Variants in MYO16 observed in about 807,000 individuals in gnomAD.
The protein encoded by MYO16 is myosin XVI.
A neutral mutation model predicts 205.3 loss-of-function variants in MYO16; 94 were observed. That is an observed-to-expected ratio of 0.46 (90% CI 0.39 to 0.54). The LOEUF (loss-of-function observed/expected upper bound fraction) is 0.54, where lower values mean the gene tolerates loss of function less well. MYO16 is among the 20% of genes least tolerant of loss of function. The probability of loss-of-function intolerance (pLI) is 0.00; values close to 1 mark genes in which losing one functional copy is unlikely to be tolerated. For synonymous variants in MYO16, 988 were observed against 954.0 expected (o/e 1.04, Z -0.66); for missense variants, 2,315 against 2,387.5 (o/e 0.97, Z 0.63).
intron 22 of MYO16, among the ~76,000 whole-genome samples, chr13:109,012,784 T>TAC (rs1359586811): frequency 1.4e-5 from 2 of 145,546 alleles, no homozygotes; most frequent in Non-Finnish European, 3.0e-5. Context: ...TGTGTGTATA[T>TAC]ATATATATAT....
At chr13:109,097,200 G>A (rs185340560) in intron 27 of MYO16, among the ~76,000 whole-genome samples, 1 of 152,162 alleles carries the variant, frequency 6.6e-6, no homozygotes, top group African/African-American at 2.4e-5. Flanking sequence ...GTGGTGGCGG[G>A]CACCATTAAT....
chr13:109,040,499 T>C (rs1187205150), intron 23 of MYO16, among the ~76,000 whole-genome samples: 1 of 151,998 alleles, frequency 6.6e-6, no homozygotes, highest in Non-Finnish European at 1.5e-5. Context: ...TAGCAATATA[T>C]AAAAAGAACG....
At chr13:109,040,385 C>CAGAGAGAGAGAGAG (rs146955371) in intron 23 of MYO16, among the ~76,000 whole-genome samples, 1,284 of 113,182 alleles carry the variant, frequency 0.011, 31 homozygotes, top group African/African-American at 0.037. Context: ...CACACACACA[C>CAGAGAGAGAGAGAG]AGAGAGAGAG....
chr13:109,046,830 C>T (rs1594499425), intron 23 of MYO16, 86 bp from the exon 24 acceptor site: 20 of 1,129,588 alleles, frequency 1.8e-5, no homozygotes, highest in African/African-American at 7.8e-5. Context: ...TTGAAAACTT[C>T]AGCTGGGTCA....
chr13:108,744,536 T>C (rs1274824028), intron 4 of MYO16, among the ~76,000 whole-genome samples: 1 of 152,270 alleles, frequency 6.6e-6, no homozygotes. Context: ...ATGATTCTGC[T>C]GACCCAGGTT....
At chr13:109,136,938 A>G (rs1876803475) in intron 31 of MYO16, among the ~76,000 whole-genome samples, 1 of 152,214 alleles carries the variant, frequency 6.6e-6, no homozygotes, top group African/African-American at 2.4e-5. Context: ...TAAGACACCA[A>G]AGAAAAGGTT....
chr13:108,755,964 G>A (rs1885410420), intron 4 of MYO16, among the ~76,000 whole-genome samples: 1 of 152,116 alleles, frequency 6.6e-6, no homozygotes, highest in Admixed American at 6.5e-5. Flanking sequence ...TTACTTCTGT[G>A]TTATATTGTG....
At chr13:108,957,943 A>G in intron 17 of MYO16, 144 bp downstream of exon 17, 1 of 636,870 alleles carries the variant, frequency 1.6e-6, no homozygotes. Context: ...AACAAGCCCC[A>G]ATCCCTGCCT....
At chr13:108,681,354 T>A (rs1384996634) in intron 2 of MYO16, among the ~76,000 whole-genome samples, 1 of 152,252 alleles carries the variant, frequency 6.6e-6, no homozygotes, top group African/African-American at 2.4e-5. Context: ...ACTCGGTGCC[T>A]AAAGTGATGC....
At chr13:108,841,034 CACAA>C (rs1417445501) in intron 9 of MYO16, among the ~76,000 whole-genome samples, 1 of 152,104 alleles carries the variant, frequency 6.6e-6, no homozygotes, top group Non-Finnish European at 1.5e-5. Context: ...TGTAAAAATT[CACAA>C]ACAAATTCAA....
intron 23 of MYO16, chr13:109,028,412 A>G (rs764332957): frequency 3.1e-6 from 1 of 325,672 alleles, no homozygotes; most frequent in South Asian, 2.7e-5. Context: ...TTCACAGAAT[A>G]TTTGGGATGC....
At chr13:108,933,020 G>A (rs1356642957) in intron 16 of MYO16, among the ~76,000 whole-genome samples, 1 of 152,068 alleles carries the variant, frequency 6.6e-6, no homozygotes, top group African/African-American at 2.4e-5. Context: ...GCCTGCGAAC[G>A]ACAGAGAAAG....
At chr13:108,853,960 GTGTGTGT>G (rs1878033671) in intron 10 of MYO16, among the ~76,000 whole-genome samples, 1 of 110,304 alleles carries the variant, frequency 9.1e-6, no homozygotes, top group African/African-American at 4.2e-5. Flanking sequence ...ATTATTGTGT[GTGTGTGT>G]GTGTGTGTGT....
intron 34 of MYO16, among the ~76,000 whole-genome samples, chr13:109,199,214 A>G (rs919772433): frequency 1.0e-5 from 1 of 95,750 alleles, no homozygotes; most frequent in African/African-American, 3.5e-5. Flanking sequence ...ATATATATAT[A>G]TATATATATA....
chr13:108,702,561 C>T (rs996589842), intron 2 of MYO16, among the ~76,000 whole-genome samples: 16 of 152,128 alleles, frequency 1.1e-4, no homozygotes, highest in African/African-American at 3.4e-4. Context: ...AACTTTCAGG[C>T]TGAAATGAAA....
intron 34 of MYO16, among the ~76,000 whole-genome samples, chr13:109,194,226 G>T (rs1379134957): frequency 1.3e-5 from 2 of 152,124 alleles, no homozygotes; most frequent in Non-Finnish European, 2.9e-5. Context: ...ACCCACCACA[G>T]TTCCTTGCAT....
chr13:109,138,943 C>T (rs767416863), intron 31 of MYO16, among the ~76,000 whole-genome samples: 2 of 152,086 alleles, frequency 1.3e-5, no homozygotes, highest in South Asian at 2.1e-4. Flanking sequence ...CTCAGCCTCC[C>T]GAGTAGCTGG....
At chr13:108,757,333 T>C (rs1885452362) in intron 4 of MYO16, among the ~76,000 whole-genome samples, 1 of 152,194 alleles carries the variant, frequency 6.6e-6, no homozygotes, top group Admixed American at 6.5e-5. Context: ...TACGGAATAT[T>C]TTATTCCTAA....
In MYO16 at chr13:109,022,702, ATAT is replaced by A. The variant is rs1331106896; in HGVS notation, c.2796+2795_2796+2797del. Among the ~76,000 whole-genome samples the A allele has an allele frequency of 3.3e-4, 36 of 109,752 alleles. 3 individuals are homozygous for A. The highest frequency in any genetic ancestry group is 1.1e-3 in the African/African-American group (35 of 31,362). 72.0% of individuals were successfully genotyped at this position (109,752 alleles called of 152,430 possible). On this transcript the variant is annotated intron_variant, in intron 23 of 34. Transcript: ENST00000457511. ...CACATATAAACATGTATATATTTAT[ATAT>A]TATATATACGCATATAAACATATGT...
Sources: gnomAD v4.1 joint callset for allele counts (sites outside exome capture counted in the v4.1 genomes callset) on GRCh38, gnomAD v4.1.1 for gene constraint, MANE v1.5 for transcripts, NCBI Gene and HGNC (gene_info 2026-07-23, HGNC 2026-07-21) for gene names.